Variants in PPP2R2B observed in about 807,000 individuals in gnomAD.
PPP2R2B encodes serine/threonine-protein phosphatase 2A 55 kDa regulatory subunit B beta isoform.
A neutral mutation model predicts 46.0 loss-of-function variants in PPP2R2B; 5 were observed. That is an observed-to-expected ratio of 0.11 (90% CI 0.06 to 0.23). The LOEUF (loss-of-function observed/expected upper bound fraction) is 0.23, where lower values mean the gene tolerates loss of function less well. Ranked by LOEUF, PPP2R2B falls within the 10% of genes least tolerant of loss-of-function variation. The pLI is 1.00. For missense variants in PPP2R2B, 367 were observed against 575.0 expected (o/e 0.64, Z 3.70); for synonymous variants, 215 against 206.7 (o/e 1.04, Z -0.34).
At chr5:146,675,048 C>T (rs1186928199) in intron 5 of PPP2R2B, among the ~76,000 whole-genome samples, 2 of 152,102 alleles carry the variant, frequency 1.3e-5, no homozygotes, top group Non-Finnish European at 2.9e-5. Context: ...CTGCAACCTC[C>T]ACCTCCTGGG....
At chr5:146,838,270 G>A (rs1759414527) in intron 2 of PPP2R2B, among the ~76,000 whole-genome samples, 1 of 152,016 alleles carries the variant, frequency 6.6e-6, no homozygotes, top group African/African-American at 2.4e-5. Context: ...GATTTCCCAA[G>A]GTTACAGACT....
At chr5:147,001,657 A>G (rs750045595) in intron 1 of PPP2R2B, among the ~76,000 whole-genome samples, 7 of 152,186 alleles carry the variant, frequency 4.6e-5, no homozygotes, top group Non-Finnish European at 8.8e-5. Context: ...ACCATCGCCT[A>G]TCGCCAAGTG....
intron 1 of PPP2R2B, among the ~76,000 whole-genome samples, chr5:147,034,407 T>C (rs1005775517): frequency 3.9e-5 from 6 of 152,184 alleles, no homozygotes; most frequent in African/African-American, 1.4e-4. Context: ...GCATCTAAAA[T>C]AATAGTGACC....
chr5:146,856,373 G>A, intron 2 of PPP2R2B: 1 of 689,194 alleles, frequency 1.5e-6, no homozygotes, highest in South Asian at 2.1e-5. Context: ...TTAAGCAACT[G>A]GAACTATTTA....
chr5:146,834,006 G>A (rs1435726196), intron 2 of PPP2R2B, among the ~76,000 whole-genome samples: 1 of 152,066 alleles, frequency 6.6e-6, no homozygotes, highest in East Asian at 1.9e-4. Flanking sequence ...GCTCTAAAAT[G>A]TCCTTGGCAA....
chr5:146,810,627 G>T (rs932092492), intron 2 of PPP2R2B, among the ~76,000 whole-genome samples: 1 of 152,114 alleles, frequency 6.6e-6, no homozygotes, highest in African/African-American at 2.4e-5. Context: ...CAAAGTTCAT[G>T]TATGCTCTTT....
intron 2 of PPP2R2B, among the ~76,000 whole-genome samples, chr5:146,724,233 CT>C (rs1751703383): frequency 6.6e-6 from 1 of 152,032 alleles, no homozygotes; most frequent in South Asian, 2.1e-4. Flanking sequence ...GGTTTTGCAA[CT>C]CACTGGCTCT....
chr5:146,986,511 A>G (rs1753434816), intron 1 of PPP2R2B, among the ~76,000 whole-genome samples: 1 of 152,226 alleles, frequency 6.6e-6, no homozygotes, highest in Admixed American at 6.5e-5. Flanking sequence ...AACAAATTTC[A>G]GTAAAACACA....
At chr5:146,737,162 A>G (rs1371047027) in intron 2 of PPP2R2B, among the ~76,000 whole-genome samples, 1 of 152,162 alleles carries the variant, frequency 6.6e-6, no homozygotes, top group Non-Finnish European at 1.5e-5. Flanking sequence ...TTCAGTAGCT[A>G]CTGGGGACTT....
intron 1 of PPP2R2B, among the ~76,000 whole-genome samples, chr5:146,948,098 C>T (rs1177038262): frequency 6.6e-6 from 1 of 151,862 alleles, no homozygotes; most frequent in Admixed American, 6.6e-5. Flanking sequence ...TAATCGTTTC[C>T]CTTACCCTAT....
chr5:147,080,057 T>C (rs192922755), intron 2 of PPP2R2B, among the ~76,000 whole-genome samples: 51 of 152,330 alleles, frequency 3.3e-4, no homozygotes, highest in African/African-American at 9.6e-4. Flanking sequence ...ATTTGGTTTT[T>C]GGTCACCCAC....
intron 1 of PPP2R2B, among the ~76,000 whole-genome samples, chr5:146,976,620 A>C (rs1752919020): frequency 6.6e-6 from 1 of 152,182 alleles, no homozygotes; most frequent in Non-Finnish European, 1.5e-5. Flanking sequence ...TATTTTGTTC[A>C]TATATCAAAT....
intron 2 of PPP2R2B, among the ~76,000 whole-genome samples, chr5:146,707,886 C>T (rs952184012): frequency 2.6e-5 from 4 of 152,092 alleles, no homozygotes; most frequent in African/African-American, 4.8e-5. Flanking sequence ...TGGTGTAGAA[C>T]GTACATAATT....
intron 7 of PPP2R2B, among the ~76,000 whole-genome samples, chr5:146,602,881 C>T (rs1771917945): frequency 6.6e-6 from 1 of 152,176 alleles, no homozygotes; most frequent in African/African-American, 2.4e-5. Flanking sequence ...TGATTGGTAT[C>T]TTCATAGTTG....
At chr5:147,012,452 AT>A (rs1561576102) in intron 1 of PPP2R2B, among the ~76,000 whole-genome samples, 1 of 152,026 alleles carries the variant, frequency 6.6e-6, no homozygotes. Context: ...TATTGCGTCT[AT>A]TAGATTCTTC....
At chr5:147,003,663 C>G (rs934027776) in intron 1 of PPP2R2B, among the ~76,000 whole-genome samples, 24 of 152,250 alleles carry the variant, frequency 1.6e-4, no homozygotes, top group African/African-American at 5.8e-4. Flanking sequence ...GCAAGCCATC[C>G]CCAGTATGGA....
At chr5:146,781,102 T>A (rs988872086) in intron 2 of PPP2R2B, among the ~76,000 whole-genome samples, 3 of 126,800 alleles carry the variant, frequency 2.4e-5, no homozygotes, top group African/African-American at 8.5e-5. Context: ...CCTATATAAT[T>A]ATTTCACTTA....
Position 146,697,869 on chromosome 5 carries a change from A to G in PPP2R2B, c.334+110T>C, listed in dbSNP as rs570571265. 4.8e-5 allele frequency: 52 copies of G among 1,084,976 alleles called. No homozygotes were observed. The South Asian group carries it at 7.8e-4, about 16-fold the overall frequency. 67.2% of individuals were successfully genotyped at this position (1,084,976 alleles called of 1,614,324 possible). ...TAAGCATCTTGCAAATGTTATTTCT[A>G]AGTTTTTCAACAGCCCACACAGTTC... On this transcript the variant is annotated intron_variant, in intron 4 of 9. Coordinates refer to ENST00000394411, the MANE Select transcript of PPP2R2B (RefSeq NM_181675.4).
chr5:146,841,838 G>A (rs988524347), intron 2 of PPP2R2B, among the ~76,000 whole-genome samples: 2 of 152,036 alleles, frequency 1.3e-5, no homozygotes, highest in African/African-American at 4.8e-5. Context: ...TATAGATGAC[G>A]GGTTGATGGG....
Sources: allele counts gnomAD v4.1 joint callset (sites outside exome capture counted in the v4.1 genomes callset), GRCh38; gene constraint gnomAD v4.1.1; transcripts MANE v1.5; gene names NCBI Gene and HGNC (gene_info 2026-07-23, HGNC 2026-07-21).